The following PRDM5 variants were observed in gnomAD, a reference collection of about 807,000 sequenced individuals.
The protein encoded by PRDM5 is PR/SET domain 5.
PRDM5 carries 56 observed loss-of-function variants against 81.2 expected under a neutral mutation model. The observed-to-expected ratio is 0.69, with a 90% confidence interval of 0.56 to 0.86. The LOEUF is 0.86. Ranked by LOEUF, PRDM5 falls within the 40% of genes least tolerant of loss-of-function variation. PRDM5 has a pLI of 0.00. For missense variants in PRDM5, 697 were observed against 770.1 expected, an observed-to-expected ratio of 0.91 and a Z score of 1.12; for synonymous variants, 267 against 256.4, an observed-to-expected ratio of 1.04 and a Z score of -0.39.
At chr4:120,732,376 A>G (rs1740399697) in intron 14 of PRDM5, among the ~76,000 whole-genome samples, 3 of 152,160 alleles carry the variant, frequency 2.0e-5, no homozygotes, top group Non-Finnish European at 4.4e-5. Context: ...TATTTGTTTT[A>G]TGCACTTTCA....
intron 11 of PRDM5, among the ~76,000 whole-genome samples, chr4:120,784,321 T>C (rs539004479): frequency 1.3e-5 from 2 of 152,090 alleles, no homozygotes; most frequent in Non-Finnish European, 2.9e-5. Flanking sequence ...AGAATGTGAC[T>C]GCAAAAAGAA....
chr4:120,810,727 T>C (rs531335029), intron 8 of PRDM5, among the ~76,000 whole-genome samples: 15 of 152,238 alleles, frequency 9.9e-5, no homozygotes, highest in Middle Eastern at 6.8e-3. Flanking sequence ...GGAAGGTTAG[T>C]GATAGAAAAA....
rs555906456 is a variant in PRDM5 at position 120,783,006 on chromosome 4, C to T, written c.1283-1703G>A. On this transcript the variant is annotated intron_variant, in intron 11 of 15. Coordinates refer to ENST00000264808, the MANE Select transcript of PRDM5 (RefSeq NM_018699.4). ...GATTTTTTCCCTATCTTAGTACCTA[C>T]AAGCTAGCCAGCAACTTGCCTTTTG... 3.9e-5 allele frequency among the ~76,000 whole-genome samples: 6 copies of T among 152,138 alleles called. No homozygotes were observed. The South Asian group carries it at 1.2e-3, about 32-fold the overall frequency.
intron 7 of PRDM5, chr4:120,816,041 G>A (rs989571489): frequency 4.5e-6 from 1 of 221,886 alleles, no homozygotes; most frequent in Non-Finnish European, 9.1e-6. Flanking sequence ...TAGGAGAACT[G>A]TATTTTCACA....
chr4:120,830,989 A>T (rs890820285), intron 3 of PRDM5, among the ~76,000 whole-genome samples: 50 of 152,094 alleles, frequency 3.3e-4, no homozygotes, highest in African/African-American at 1.1e-3. Flanking sequence ...TGTGGAGAAA[A>T]GAATCAACAA....
intron 3 of PRDM5, among the ~76,000 whole-genome samples, chr4:120,842,758 T>C (rs1758171323): frequency 6.6e-6 from 1 of 152,198 alleles, no homozygotes. Context: ...CCATGACAGC[T>C]TCACAGAATT....
intron 2 of PRDM5, among the ~76,000 whole-genome samples, chr4:120,857,326 C>A (rs1759993268): frequency 6.6e-6 from 1 of 152,126 alleles, no homozygotes. Flanking sequence ...CCACTGCACT[C>A]CAGCCTGGGA....
chr4:120,706,264 C>T (rs939912691), intron 15 of PRDM5, among the ~76,000 whole-genome samples: 2 of 152,080 alleles, frequency 1.3e-5, no homozygotes, highest in Non-Finnish European at 2.9e-5. Flanking sequence ...GCAAATAACA[C>T]CTATATATTC....
chr4:120,766,211 G>A (rs1746368890), intron 13 of PRDM5, among the ~76,000 whole-genome samples: 1 of 152,000 alleles, frequency 6.6e-6, no homozygotes, highest in Non-Finnish European at 1.5e-5. Flanking sequence ...CCCCTGCCTC[G>A]GCCTCCCAAA....
intron 14 of PRDM5, among the ~76,000 whole-genome samples, chr4:120,746,527 C>A (rs1030448177): frequency 7.4e-6 from 1 of 134,322 alleles, no homozygotes; most frequent in South Asian, 2.4e-4. Context: ...TTTTCGCAAC[C>A]TACTCATCTG....
chr4:120,872,751 C>T (rs1374189866), intron 2 of PRDM5, among the ~76,000 whole-genome samples: 1 of 151,956 alleles, frequency 6.6e-6, no homozygotes, highest in East Asian at 1.9e-4. Context: ...GAGACCCTGT[C>T]TCTAAAAAAA....
intron 14 of PRDM5, among the ~76,000 whole-genome samples, chr4:120,718,268 AG>A (rs1377557470): frequency 1.3e-5 from 2 of 152,356 alleles, no homozygotes; most frequent in African/African-American, 4.8e-5. Flanking sequence ...CTTATCAAAG[AG>A]GAATCAGATG....
At chr4:120,751,157 C>G (rs1196534492) in intron 14 of PRDM5, among the ~76,000 whole-genome samples, 1 of 152,034 alleles carries the variant, frequency 6.6e-6, no homozygotes, top group Non-Finnish European at 1.5e-5. Context: ...AATCCTCGCA[C>G]CTCAGCCTCC....
intron 11 of PRDM5, 60 bp from the exon 12 acceptor site, chr4:120,781,363 T>C (rs893806869): frequency 6.8e-7 from 1 of 1,475,500 alleles, no homozygotes; most frequent in Non-Finnish European, 9.4e-7. Flanking sequence ...TTTCCTCCCA[T>C]GTATGCCAGA....
At chr4:120,775,990 T>G (rs1242048391) in intron 13 of PRDM5, among the ~76,000 whole-genome samples, 1 of 152,168 alleles carries the variant, frequency 6.6e-6, no homozygotes, top group Non-Finnish European at 1.5e-5. Flanking sequence ...TTGGCACAAT[T>G]TTAAGTACAC....
chr4:120,823,407 T>C (rs551357725), intron 3 of PRDM5, among the ~76,000 whole-genome samples: 2 of 152,290 alleles, frequency 1.3e-5, no homozygotes, highest in East Asian at 3.9e-4. Flanking sequence ...GGTTTTTCTC[T>C]GTTTGCCAAA....
intron 2 of PRDM5, among the ~76,000 whole-genome samples, chr4:120,882,910 C>A (rs1039349265): frequency 6.6e-6 from 1 of 152,108 alleles, no homozygotes; most frequent in African/African-American, 2.4e-5. Flanking sequence ...GTAGTCCTAC[C>A]AAAGAATAAA....
At chr4:120,836,114 T>C (rs1198436475) in intron 3 of PRDM5, among the ~76,000 whole-genome samples, 1 of 151,488 alleles carries the variant, frequency 6.6e-6, no homozygotes, top group African/African-American at 2.4e-5. Flanking sequence ...AGGATAAAGA[T>C]CAAATGGAGA....
At chr4:120,859,912 C>A (rs1299775728) in intron 2 of PRDM5, among the ~76,000 whole-genome samples, 2 of 152,160 alleles carry the variant, frequency 1.3e-5, no homozygotes, top group Admixed American at 1.3e-4. Context: ...CTCATGGGTG[C>A]ACACAAACTT....
Sources: allele counts gnomAD v4.1 joint callset (sites outside exome capture counted in the v4.1 genomes callset), GRCh38; gene constraint gnomAD v4.1.1; transcripts MANE v1.5; gene names NCBI Gene and HGNC (gene_info 2026-07-23, HGNC 2026-07-21).